DNAJC5B: variants seen among roughly 807,000 people sequenced by gnomAD.
DNAJC5B encodes the protein DnaJ heat shock protein family (Hsp40) member C5 beta, also known as dnaJ homolog subfamily C member 5B.
Under a neutral mutation model 24.7 loss-of-function variants are expected in DNAJC5B, and 23 were observed. That is an observed-to-expected ratio of 0.93 (90% CI 0.67 to 1.32). The LOEUF (loss-of-function observed/expected upper bound fraction) is 1.32. Among genes scored for constraint, DNAJC5B ranks in the 40% most tolerant of loss-of-function variants. The probability of loss-of-function intolerance (pLI) is 0.00; values close to 1 mark genes in which losing one functional copy is unlikely to be tolerated. For synonymous variants in DNAJC5B, 101 were observed against 90.1 expected (o/e 1.12, Z -0.68); for missense variants, 238 against 240.8 (o/e 0.99, Z 0.08).
chr8:66,080,255 T>C, intron 4 of DNAJC5B, 122 bp from the exon 5 acceptor site: 5 of 1,381,586 alleles, frequency 3.6e-6, no homozygotes, highest in Non-Finnish European at 4.9e-6. Flanking sequence ...AGATGTGGCC[T>C]GTGGGGTGAA....
At position 66,051,568 on chromosome 8, in the gene DNAJC5B, C is replaced by T. The variant is rs779286295; in HGVS notation, c.21C>T (p.Asn7=). 1 of 1,613,940 alleles carries T rather than the reference C, an allele frequency of 6.2e-7. No individual in the cohort carries two copies. Among genetic ancestry groups the T allele is most frequent in the Non-Finnish European group, 8.5e-7 (1 of 1,179,968 alleles). ...AGAAAATGGCATGTAACATACCTAACCAAAGACAGCGGACTCTGTCAACAA... is the reference window on the plus strand; with the variant it reads ...AGAAAATGGCATGTAACATACCTAATCAAAGACAGCGGACTCTGTCAACAA... MACNIP[N]QRQRTLSTTG... Residue 7 remains asparagine, a synonymous_variant, in exon 3 of 6, where the codon AAC becomes AAT. Transcript: ENST00000276570.
At chr8:66,032,068 G>A (rs555709092) in intron 1 of DNAJC5B, among the ~76,000 whole-genome samples, 17 of 152,338 alleles carry the variant, frequency 1.1e-4, no homozygotes, top group Admixed American at 8.5e-4. Flanking sequence ...GCACATTTTA[G>A]AGATGAAGAA....
chr8:66,073,103 A>AG (rs1332660342), intron 3 of DNAJC5B, among the ~76,000 whole-genome samples: 4 of 152,182 alleles, frequency 2.6e-5, no homozygotes, highest in African/African-American at 9.6e-5. Context: ...TTATCACTTG[A>AG]GCTTATATAA....
chr8:66,081,138 G>A (rs1807587944), intron 5 of DNAJC5B, among the ~76,000 whole-genome samples: 1 of 152,172 alleles, frequency 6.6e-6, no homozygotes, highest in Non-Finnish European at 1.5e-5. Flanking sequence ...GTGTGTCCAT[G>A]TGTATGCATG....
At chr8:66,069,140 AG>A (rs1475476324) in intron 3 of DNAJC5B, among the ~76,000 whole-genome samples, 1 of 152,126 alleles carries the variant, frequency 6.6e-6, no homozygotes, top group Non-Finnish European at 1.5e-5. Context: ...TCCAACAAGA[AG>A]GCAAGAAAGG....
chr8:66,017,005 A>G (rs1049310883), upstream of DNAJC5B, among the ~76,000 whole-genome samples: 5 of 148,850 alleles, frequency 3.4e-5, no homozygotes, highest in Admixed American at 6.7e-5. Context: ...TTTTTTTTTT[A>G]GTTTCTAAAA....
chr8:66,036,749 T>C (rs1806494630), intron 1 of DNAJC5B, among the ~76,000 whole-genome samples: 2 of 152,240 alleles, frequency 1.3e-5, no homozygotes, highest in African/African-American at 2.4e-5. Flanking sequence ...ACCCAAATTT[T>C]TTTTTCTTTT....
intron 3 of DNAJC5B, among the ~76,000 whole-genome samples, chr8:66,070,880 G>A (rs1328205880): frequency 6.6e-6 from 1 of 152,064 alleles, no homozygotes; most frequent in African/African-American, 2.4e-5. Flanking sequence ...CAGAACAGAG[G>A]CCTCAGAAAT....
At chr8:66,087,791 C>T (rs115787486) in intron 5 of DNAJC5B, among the ~76,000 whole-genome samples, 12,592 of 152,180 alleles carry the variant, frequency 0.083, 875 homozygotes, top group African/African-American at 0.18. Context: ...AGAGGTGGGC[C>T]CTCACAGCCT....
intron 3 of DNAJC5B, among the ~76,000 whole-genome samples, chr8:66,071,632 G>A (rs1807350899): frequency 6.6e-6 from 1 of 152,198 alleles, no homozygotes; most frequent in African/African-American, 2.4e-5. Context: ...CCTTGTGAAA[G>A]ATAGTGTGGC....
rs1808064621 is a variant in DNAJC5B, at chr8:66,101,121, T to C, written c.*1090T>C. Among the ~76,000 whole-genome samples, 1 of 152,216 alleles carries C rather than the reference T, an allele frequency of 6.6e-6. No homozygotes were observed. Among genetic ancestry groups the C allele is most frequent in the Non-Finnish European group, 1.5e-5 (1 of 68,040 alleles). On this transcript the variant is annotated 3_prime_UTR_variant, in exon 6 of 6. Transcript: ENST00000276570. ...TATATAATATTGTATAAAATGCCTT[T>C]ATCTTTTTTCTTGTTTCTTATTCCC...
At chr8:66,069,946 C>G (rs903244362) in intron 3 of DNAJC5B, among the ~76,000 whole-genome samples, 2 of 152,178 alleles carry the variant, frequency 1.3e-5, no homozygotes, top group African/African-American at 4.8e-5. Flanking sequence ...TAAACCGAAC[C>G]AATGACACAA....
chr8:66,034,176 T>TTGTGTGTGTGTG (rs60916429), intron 1 of DNAJC5B, among the ~76,000 whole-genome samples: 2,740 of 144,256 alleles, frequency 0.019, 40 homozygotes, highest in Middle Eastern at 0.047. Flanking sequence ...TGTTGTTGTT[T>TTGTGTGTGTGTG]TGTGTGTGTG....
chr8:66,020,649 TG>T (rs1423939900), upstream of DNAJC5B, among the ~76,000 whole-genome samples: 3 of 126,250 alleles, frequency 2.4e-5, no homozygotes, highest in Non-Finnish European at 4.9e-5. Context: ...TGTGTGTGTG[TG>T]TGTTTTAGAC....
In DNAJC5B at chr8:66,090,251, A is replaced by G. The variant is rs187364248; in HGVS notation, c.506-9686A>G. Reference sequence around the variant, plus strand: ...GTATGTAGTGTGTGTGCGTGCAGGCATGTGTGTGTGTGTGTGTGTGTGTGT... The same window carrying G: ...GTATGTAGTGTGTGTGCGTGCAGGCGTGTGTGTGTGTGTGTGTGTGTGTGT... On this transcript the variant is annotated intron_variant, in intron 5 of 5. Coordinates refer to ENST00000276570, the MANE Select transcript of DNAJC5B (RefSeq NM_033105.6). 3.1e-4 allele frequency among the ~76,000 whole-genome samples: 45 copies of G among 145,426 alleles called. No homozygotes were observed. The South Asian group carries it at 5.2e-3, about 17-fold the overall frequency.
intron 2 of DNAJC5B, among the ~76,000 whole-genome samples, chr8:66,045,966 C>T (rs1373113598): frequency 6.6e-6 from 1 of 152,186 alleles, no homozygotes; most frequent in Non-Finnish European, 1.5e-5. Context: ...TGCCCCCATC[C>T]TGTCACCACC....
At chr8:66,084,130 C>T (rs144639754) in intron 5 of DNAJC5B, among the ~76,000 whole-genome samples, 2,350 of 152,254 alleles carry the variant, frequency 0.015, 46 homozygotes, top group Non-Finnish European at 0.02. Context: ...CGTTTATACT[C>T]CACTAATCCA....
chr8:66,035,860 C>T (rs1806472354), intron 1 of DNAJC5B, among the ~76,000 whole-genome samples: 1 of 152,188 alleles, frequency 6.6e-6, no homozygotes, highest in South Asian at 2.1e-4. Flanking sequence ...TTACCTTTCC[C>T]TGTCTCTGCT....
chr8:66,017,582 G>A (rs538556288), upstream of DNAJC5B, among the ~76,000 whole-genome samples: 1 of 152,328 alleles, frequency 6.6e-6, no homozygotes, highest in African/African-American at 2.4e-5. Flanking sequence ...TCTTTTAAGA[G>A]GGAGTCCAGC....
Sources: allele counts gnomAD v4.1 joint callset (sites outside exome capture counted in the v4.1 genomes callset), GRCh38; gene constraint gnomAD v4.1.1; transcripts MANE v1.5; gene names NCBI Gene and HGNC (gene_info 2026-07-23, HGNC 2026-07-21).